Variants in MCF2L observed in about 807,000 individuals in gnomAD.
MCF2L encodes guanine nucleotide exchange factor DBS.
MCF2L carries 97 observed loss-of-function variants against 153.4 expected under a neutral mutation model. The observed-to-expected ratio is 0.63, with a 90% CI of 0.54 to 0.75. The LOEUF is 0.75. Ranked by LOEUF, MCF2L falls within the 30% of genes least tolerant of loss-of-function variation. The pLI, the probability that MCF2L is intolerant of heterozygous loss-of-function variation, is 0.00. For synonymous variants in MCF2L, 659 were observed against 632.2 expected, an observed-to-expected ratio of 1.04 and a Z score of -0.64; for missense variants, 1,347 against 1,495.2, an observed-to-expected ratio of 0.90 and a Z score of 1.64.
Position 113,077,153 on chromosome 13 carries a change from C to G in MCF2L, c.1602C>G (p.Pro534=). The G allele has an allele frequency of 6.2e-7, 1 of 1,611,346 alleles. No homozygotes were observed. Among genetic ancestry groups the G allele is most frequent in the Non-Finnish European group, 8.5e-7 (1 of 1,179,224 alleles). ...AGCTGGCGGCCAGGCAGACGCGGCC[C>G]GTGCAGCCGGTGGCCCCCAGACCCG... The part of the protein sequence containing the change: ...LKKLAARQTR[P]VQPVAPRPEA... The change falls in exon 13 of 30, where the codon CCC becomes CCG. Residue 534 remains proline, a synonymous_variant. Coordinates refer to ENST00000535094, the MANE Select transcript of MCF2L (RefSeq NM_001112732.3).
intron 1 of MCF2L, chr13:112,979,720 C>T (rs1224240371): frequency 6.2e-7 from 1 of 1,612,454 alleles, no homozygotes; most frequent in Non-Finnish European, 8.5e-7. Context: ...TGGTCACTGC[C>T]CAGGAGGCGC....
intron 4 of MCF2L, among the ~76,000 whole-genome samples, chr13:113,057,971 T>G (rs1411780709): frequency 3.5e-5 from 5 of 144,686 alleles, no homozygotes; most frequent in Middle Eastern, 3.9e-3. Context: ...TGGCACTGTT[T>G]GGGTGCTGAG....
chr13:112,918,144 A>T (rs2081314576), intron 2 of MCF2L, among the ~76,000 whole-genome samples: 1 of 152,224 alleles, frequency 6.6e-6, no homozygotes, highest in Admixed American at 6.5e-5. Context: ...AATTCCTAGC[A>T]ATCGCAAATT....
chr13:112,896,225 G>A (rs547536901), intron 1 of MCF2L, among the ~76,000 whole-genome samples: 64 of 152,318 alleles, frequency 4.2e-4, no homozygotes, highest in Non-Finnish European at 6.5e-4. Flanking sequence ...AAAGGTCTGT[G>A]TGCAGCTTCA....
chr13:112,930,968 G>A (rs1241693924), intron 2 of MCF2L, among the ~76,000 whole-genome samples: 1 of 152,062 alleles, frequency 6.6e-6, no homozygotes, highest in Non-Finnish European at 1.5e-5. Context: ...AAATCATTTC[G>A]GAGGTCAGAG....
intron 2 of MCF2L, among the ~76,000 whole-genome samples, chr13:112,963,966 C>T (rs981236962): frequency 1.3e-5 from 2 of 152,256 alleles, no homozygotes; most frequent in African/African-American, 4.8e-5. Context: ...CTCAGAGAGG[C>T]TTGGCCTGCA....
At chr13:112,987,497 C>A (rs183551958) in intron 1 of MCF2L, among the ~76,000 whole-genome samples, 1 of 152,220 alleles carries the variant, frequency 6.6e-6, no homozygotes, top group East Asian at 1.9e-4. Flanking sequence ...CTTCTGCAGC[C>A]GCACAGTTGA....
chr13:113,029,468 A>T (rs2085509233), intron 3 of MCF2L, among the ~76,000 whole-genome samples: 1 of 152,242 alleles, frequency 6.6e-6, no homozygotes, highest in Non-Finnish European at 1.5e-5. Flanking sequence ...CTCTGCAGAT[A>T]AAACCAGGGT....
At position 113,075,060 on chromosome 13, in the gene MCF2L, C is replaced by T; in HGVS notation, c.1179C>T (p.His393=). ...GCGAGCAGCTCATTGGGAACAAGCA[C>T]TACGCGGTAGACTCCATCCGCCCAA... ...LDGEQLIGNK[H]YAVDSIRPKC... The change falls in exon 11 of 30, where the codon CAC becomes CAT. Residue 393 remains histidine (H), a synonymous_variant. Coordinates refer to ENST00000535094, the MANE Select transcript of MCF2L (RefSeq NM_001112732.3). The T allele has an allele frequency of 1.9e-6, 3 of 1,613,824 alleles. No homozygotes were observed. Among genetic ancestry groups the T allele is most frequent in the South Asian group, 1.1e-5 (1 of 91,086 alleles).
At chr13:112,930,718 C>T (rs181844835) in intron 2 of MCF2L, among the ~76,000 whole-genome samples, 83 of 152,230 alleles carry the variant, frequency 5.5e-4, no homozygotes, top group African/African-American at 1.6e-3. Flanking sequence ...GGGCAGATCA[C>T]TTGAGGTCAG....
chr13:113,064,368 A>G lies in MCF2L; in HGVS notation c.554A>G (p.Asp185Gly). The change falls in exon 6 of 30, where the codon GAC becomes GGC. Residue 185 changes from aspartate to glycine, a missense_variant. By Grantham distance (94) the Asp-to-Gly change is moderately conservative. Coordinates refer to ENST00000535094, the MANE Select transcript of MCF2L (RefSeq NM_001112732.3). This position sits in a 1 kb window ranked among gnomAD's most constrained non-coding sequence, Gnocchi z 6.0. ...ATCGATAAGTCGCAGCTGACCGAGG[A>G]CCTGGGTGGGACCCTGGACTACTGC... ...GYIDKSQLTE[D>G]LGGTLDYCHS... 6.2e-7 allele frequency: 1 copy of G among 1,612,820 alleles called. No individual in the cohort carries two copies. The highest frequency in any genetic ancestry group is 1.1e-5 in the South Asian group (1 of 91,080).
intron 3 of MCF2L, chr13:113,042,826 G>C (rs1490027862): frequency 6.6e-6 from 1 of 152,308 alleles, no homozygotes; most frequent in Non-Finnish European, 1.5e-5. Context: ...GCATCCAGCA[G>C]CTCTCACATG....
At chr13:112,955,785 G>A (rs903453287) in intron 2 of MCF2L, among the ~76,000 whole-genome samples, 4 of 152,222 alleles carry the variant, frequency 2.6e-5, no homozygotes, top group Admixed American at 2.0e-4. Context: ...CTGTCGGAGA[G>A]TGGCCACCTA....
intron 1 of MCF2L, among the ~76,000 whole-genome samples, chr13:112,978,572 C>T (rs1453766386): frequency 2.0e-5 from 3 of 152,202 alleles, no homozygotes; most frequent in African/African-American, 7.2e-5. Context: ...TCCCCGATGC[C>T]AGTGGGAGGA....
Position 113,031,777 on chromosome 13 carries a change from C to A in MCF2L, c.278+7019C>A, listed in dbSNP as rs1198705617. Among the ~76,000 whole-genome samples the A allele has an allele frequency of 5.3e-5, 8 of 152,040 alleles. No homozygotes were observed. The highest frequency in any genetic ancestry group is 1.9e-4 in the African/African-American group (8 of 41,372). The stretch of plus-strand genomic sequence containing the variant: ...GGGAGGTAGGGACTCCATCTACCAG[C>A]CAGCTTGCCGGGACAGGGGTCACAT... On this transcript the variant is annotated intron_variant, in intron 3 of 29. Transcript: ENST00000535094. This position sits in a 1 kb window ranked among gnomAD's most constrained non-coding sequence, Gnocchi z 5.5.
chr13:113,031,706 A>G lies in MCF2L; in HGVS notation c.278+6948A>G, dbSNP rs1296681600. Among the ~76,000 whole-genome samples the G allele has an allele frequency of 1.3e-5, 2 of 151,966 alleles. No individual in the cohort carries two copies. Among genetic ancestry groups the G allele is most frequent in the Non-Finnish European group, 2.9e-5 (2 of 67,980 alleles). ...TGGAAGGAATTCACTGAAGCTGATG[A>G]TGACGCTTACTTTCCATGGGCCTGG... On this transcript the variant is annotated intron_variant, in intron 3 of 29. Transcript: ENST00000535094. The surrounding 1 kb of genome is among the most constrained non-coding windows in gnomAD (Gnocchi z 5.5).
chr13:113,004,873 G>A (rs1445463759), intron 1 of MCF2L, among the ~76,000 whole-genome samples: 1 of 152,258 alleles, frequency 6.6e-6, no homozygotes, highest in Non-Finnish European at 1.5e-5. Context: ...GCGGAGGCAT[G>A]GCAGCCCGTG....
intron 26 of MCF2L, chr13:113,091,228 C>G: frequency 7.7e-7 from 1 of 1,303,756 alleles, no homozygotes; most frequent in South Asian, 1.2e-5. Flanking sequence ...GGCACCCACT[C>G]TGCGTTGGCA....
rs769135978 is a variant in MCF2L, at chr13:113,087,491, G to A, written c.2595+35G>A. 2.6e-6 allele frequency: 4 copies of A among 1,527,070 alleles called. No individual in the cohort carries two copies. In the African/African-American group the frequency reaches 4.1e-5, roughly 16 times the overall value. 94.6% of individuals were successfully genotyped at this position (1,527,070 alleles called of 1,614,324 possible). A position where few individuals can be genotyped will look rare whatever the true frequency, so the allele number is the denominator to read the frequency against. On this transcript the variant is annotated intron_variant, in intron 22 of 29. Transcript: ENST00000535094. ...GCCGGGTCTGCAGCAGCACGCTCCT[G>A]GCCACAGACCCCGACGGGGGAAGTC...
Sources: allele counts gnomAD v4.1 joint callset (sites outside exome capture counted in the v4.1 genomes callset), GRCh38; gene constraint gnomAD v4.1.1; non-coding constraint Gnocchi (gnomAD v3.1); transcripts MANE v1.5; gene names NCBI Gene and HGNC (gene_info 2026-07-23, HGNC 2026-07-21).